The following NTN1 variants were observed in gnomAD, a reference collection of about 807,000 sequenced individuals.
NTN1 encodes the protein netrin 1, also known as netrin-1.
In NTN1, 11 loss-of-function variants were observed where a neutral mutation model predicts 54.2. The ratio of observed to expected loss-of-function variants is 0.20; its 90% CI spans 0.13 to 0.34. The LOEUF is 0.34. Among genes scored for constraint, NTN1 ranks in the 10% least tolerant of loss-of-function variants. The probability of loss-of-function intolerance (pLI) is 1.00; values close to 1 mark genes in which losing one functional copy is unlikely to be tolerated. For synonymous variants in NTN1, 371 were observed against 382.0 expected, an observed-to-expected ratio of 0.97 and a Z score of 0.33; for missense variants, 740 against 893.1, an observed-to-expected ratio of 0.83 and a Z score of 2.18.
chr17:9,011,663 C>T, the NTN1 span, among the ~76,000 whole-genome samples: 29 of 152,256 alleles, frequency 1.9e-4, 1 homozygote, highest in African/African-American at 6.7e-4. Context: ...GATCTCAGTT[C>T]ACTGCAACCT....
At chr17:9,016,416 A>G in the NTN1 span, among the ~76,000 whole-genome samples, 187 of 152,278 alleles carry the variant, frequency 1.2e-3, 2 homozygotes, top group Non-Finnish European at 2.4e-3. Context: ...GGAATCCTCT[A>G]GTTTTGGACC....
rs1567742836 is a variant in NTN1 at position 9,220,888 on chromosome 17, G to GC, written c.1412-274dup. ...TGCTCAGAAGCCCTGGGTGGCAGGA[G>GC]CCCCCCGAGACTCTCACGGAGGCCA... is the stretch of plus-strand genomic sequence containing the variant. On this transcript the variant is annotated intron_variant, in intron 5 of 6. Transcript: ENST00000173229. Among the ~76,000 whole-genome samples, 4 of 119,024 alleles carry GC rather than the reference G, an allele frequency of 3.4e-5. No homozygotes were observed. The South Asian group carries it at 1.2e-3, about 36-fold the overall frequency. 78.1% of individuals were successfully genotyped at this position (119,024 alleles called of 152,430 possible).
chr17:9,074,696 G>T (rs2092043520), intron 2 of NTN1, among the ~76,000 whole-genome samples: 1 of 152,174 alleles, frequency 6.6e-6, no homozygotes, highest in South Asian at 2.1e-4. Flanking sequence ...TACGGCCTCA[G>T]TTTTTATCCA....
intron 2 of NTN1, among the ~76,000 whole-genome samples, chr17:9,090,816 TGAG>T (rs1307973075): frequency 3.3e-5 from 5 of 152,078 alleles, no homozygotes; most frequent in African/African-American, 1.2e-4. Flanking sequence ...GGCAGGGCCT[TGAG>T]GAGGCTTGGC....
intron 2 of NTN1, among the ~76,000 whole-genome samples, chr17:9,063,407 C>T (rs1461889916): frequency 6.6e-6 from 1 of 151,778 alleles, no homozygotes; most frequent in African/African-American, 2.4e-5. Context: ...CCATTAATGA[C>T]TTTTAAAGCT....
intron 2 of NTN1, among the ~76,000 whole-genome samples, chr17:9,157,071 A>G (rs1467499767): frequency 1.3e-5 from 2 of 151,690 alleles, no homozygotes; most frequent in African/African-American, 4.8e-5. Flanking sequence ...TCATCCATCC[A>G]TCTATCTTCT....
At chr17:9,201,105 G>C (rs1351191411) in intron 5 of NTN1, among the ~76,000 whole-genome samples, 1 of 152,194 alleles carries the variant, frequency 6.6e-6, no homozygotes, top group Non-Finnish European at 1.5e-5. Context: ...AAAAACTCTA[G>C]AAAGTTCATC....
At chr17:9,084,372 G>C (rs1043541688) in intron 2 of NTN1, among the ~76,000 whole-genome samples, 4 of 152,204 alleles carry the variant, frequency 2.6e-5, no homozygotes, top group Non-Finnish European at 5.9e-5. Context: ...AGGCTGCTTT[G>C]TCTAGTCATT....
At chr17:9,009,870 T>C in the NTN1 span, among the ~76,000 whole-genome samples, 1 of 152,174 alleles carries the variant, frequency 6.6e-6, no homozygotes. Context: ...TTTTGATGAC[T>C]CACAGCCATC....
intron 2 of NTN1, among the ~76,000 whole-genome samples, chr17:9,127,073 G>GA (rs562147959): frequency 6.7e-6 from 1 of 150,312 alleles, no homozygotes; most frequent in East Asian, 2.0e-4. Flanking sequence ...GGTAGGGCCG[G>GA]GGGGGGGCAG....
chr17:9,239,861 A>G lies in NTN1; in HGVS notation c.1708A>G (p.Ile570Val). 1.2e-6 allele frequency: 2 copies of G among 1,612,348 alleles called. No individual in the cohort carries two copies. Among genetic ancestry groups the G allele is most frequent in the Non-Finnish European group, 1.7e-6 (2 of 1,179,692 alleles). ...NAEDSPDQSG[I>V]VADKSSLVIQ... ...GGAGGACTCTCCGGACCAGAGCGGC[A>G]TCGTGGCCGATAAAAGCAGCCTGGT... is the stretch of plus-strand genomic sequence containing the variant. Residue 570 changes from isoleucine to valine, a missense_variant, in exon 7 of 7, where the codon ATC becomes GTC. Physicochemically the swap from Ile to Val is conservative, Grantham distance 29. Coordinates refer to ENST00000173229, the MANE Select transcript of NTN1 (RefSeq NM_004822.3). This position sits in a 1 kb window ranked among gnomAD's most constrained non-coding sequence, Gnocchi z 5.2.
At chr17:9,144,725 C>A (rs1211258123) in intron 2 of NTN1, among the ~76,000 whole-genome samples, 1 of 152,242 alleles carries the variant, frequency 6.6e-6, no homozygotes, top group Admixed American at 6.5e-5. Flanking sequence ...ACCTCGCTCC[C>A]CGGCCTCCCA....
rs778274189 is a variant in NTN1 at position 9,239,740 on chromosome 17, C to T, written c.1587C>T (p.Arg529=). The T allele has an allele frequency of 1.2e-5, 20 of 1,613,686 alleles. No homozygotes were observed. The highest frequency in any genetic ancestry group is 1.6e-4 in the Middle Eastern group (1 of 6,084). Residue 529 remains arginine (R), a synonymous_variant, in exon 7 of 7, where the codon CGC becomes CGT. Coordinates refer to ENST00000173229, the MANE Select transcript of NTN1 (RefSeq NM_004822.3). The surrounding 1 kb of genome is among the most constrained non-coding windows in gnomAD (Gnocchi z 5.2). ...ATAAGCAGGGCACGAGCCGCATCCG[C>T]CGCGGTGACCAGAGCCTGTGGATCC... The part of the protein sequence containing the change: ...SVYKQGTSRI[R]RGDQSLWIRS...
chr17:9,041,233 C>T (rs1481529796), intron 2 of NTN1, among the ~76,000 whole-genome samples: 4 of 152,164 alleles, frequency 2.6e-5, no homozygotes, highest in Non-Finnish European at 5.9e-5. Flanking sequence ...ACAATTCACC[C>T]ATGGAAAGTG....
At chr17:9,092,319 CTTTTTTTTTTT>C (rs148786553) in intron 2 of NTN1, among the ~76,000 whole-genome samples, 2 of 91,712 alleles carry the variant, frequency 2.2e-5, no homozygotes, top group Non-Finnish European at 4.2e-5. Context: ...CTTTTCTTCT[CTTTTTTTTTTT>C]TTTTTTTTTT....
At chr17:9,003,103 C>T in the NTN1 span, among the ~76,000 whole-genome samples, 1 of 152,230 alleles carries the variant, frequency 6.6e-6, no homozygotes, top group African/African-American at 2.4e-5. This position sits in a 1 kb window ranked among gnomAD's most constrained non-coding sequence, Gnocchi z 7.4. Flanking sequence ...GAACGGGAGC[C>T]GCGGAGAGCT....
intron 5 of NTN1, among the ~76,000 whole-genome samples, chr17:9,206,604 A>G (rs569271488): frequency 1.3e-5 from 2 of 152,274 alleles, no homozygotes; most frequent in South Asian, 2.1e-4. Context: ...CAGGAATGAC[A>G]CGGGATGGGC....
chr17:9,169,210 T>C lies in NTN1; in HGVS notation c.1207+6209T>C, dbSNP rs1031351950. ...TGGGATTATGGTCAGGCTGCTGGCC[T>C]CTGAATCCCTTCCAGCTTTGACATT... On this transcript the variant is annotated intron_variant, in intron 3 of 6. Transcript: ENST00000173229. Among the ~76,000 whole-genome samples the C allele has an allele frequency of 3.3e-5, 5 of 152,378 alleles. No homozygotes were observed. In the East Asian group the frequency reaches 9.6e-4, roughly 29 times the overall value.
At chr17:9,093,144 C>T (rs1276068737) in intron 2 of NTN1, among the ~76,000 whole-genome samples, 4 of 152,198 alleles carry the variant, frequency 2.6e-5, no homozygotes, top group African/African-American at 7.2e-5. Context: ...CTGCCCGTCT[C>T]GGCCTCCCAA....
Sources: gnomAD v4.1 joint callset for allele counts (sites outside exome capture counted in the v4.1 genomes callset) on GRCh38, gnomAD v4.1.1 for gene constraint, Gnocchi (gnomAD v3.1) non-coding constraint, MANE v1.5 for transcripts, NCBI Gene and HGNC (gene_info 2026-07-23, HGNC 2026-07-21) for gene names.